The following MNS1 variants were observed in gnomAD, a reference collection of about 807,000 sequenced individuals.
MNS1 encodes the protein meiosis specific nuclear structural 1, also known as meiosis-specific nuclear structural protein 1.
In MNS1, 63 loss-of-function variants were observed where a neutral mutation model predicts 72.0. That is an observed-to-expected ratio of 0.87 (90% CI 0.71 to 1.08). The LOEUF (loss-of-function observed/expected upper bound fraction) is 1.08. MNS1 is among the 50% of genes least tolerant of loss of function. MNS1 has a pLI of 0.00. For synonymous variants in MNS1, 188 were observed against 172.1 expected, an observed-to-expected ratio of 1.09 and a Z score of -0.72; for missense variants, 604 against 562.4, an observed-to-expected ratio of 1.07 and a Z score of -0.75.
At chr15:56,435,532 T>C (rs2050707661) in intron 7 of MNS1, among the ~76,000 whole-genome samples, 1 of 151,928 alleles carries the variant, frequency 6.6e-6, no homozygotes, top group South Asian at 2.1e-4. Context: ...AATACAGGAA[T>C]ACTACAAATT....
intron 4 of MNS1, 27 bp downstream of exon 4, chr15:56,446,814 A>C: frequency 6.5e-7 from 1 of 1,527,882 alleles, no homozygotes. Flanking sequence ...ATGAAGCTAA[A>C]AACATAATGA....
At chr15:56,440,940 T>C (rs1183146955) in intron 7 of MNS1, among the ~76,000 whole-genome samples, 3 of 152,174 alleles carry the variant, frequency 2.0e-5, no homozygotes, top group African/African-American at 7.2e-5. Context: ...TGAATAATGC[T>C]GCATAAACAT....
At chr15:56,435,252 C>A (rs892206728) in intron 7 of MNS1, among the ~76,000 whole-genome samples, 1 of 151,706 alleles carries the variant, frequency 6.6e-6, no homozygotes, top group Non-Finnish European at 1.5e-5. Flanking sequence ...ATCTAAGCCC[C>A]CACTTCAAGA....
chr15:56,463,788 A>G (rs2051038683), intron 2 of MNS1: 4 of 461,564 alleles, frequency 8.7e-6, no homozygotes, highest in Non-Finnish European at 1.5e-5. Context: ...TCCAAAAAAA[A>G]AAAAAAGTAA....
intron 2 of MNS1, among the ~76,000 whole-genome samples, chr15:56,460,548 T>C (rs968242046): frequency 6.6e-6 from 1 of 152,184 alleles, no homozygotes; most frequent in Non-Finnish European, 1.5e-5. Context: ...TTTGATAACT[T>C]TTCCATGATT....
At chr15:56,429,323 A>C in intron 9 of MNS1, 130 bp from the exon 10 acceptor site, 1 of 610,956 alleles carries the variant, frequency 1.6e-6, no homozygotes, top group Non-Finnish European at 2.7e-6. Flanking sequence ...AGATTAATGA[A>C]ACTTTAAAAA....
rs772629037 is a variant in MNS1, at chr15:56,443,481, T to C, written c.960A>G (p.Arg320=). The C allele has an allele frequency of 6.2e-7, 1 of 1,600,138 alleles. No homozygotes were observed. The highest frequency in any genetic ancestry group is 8.5e-7 in the Non-Finnish European group (1 of 1,176,160). ...LRQREDLEQV[R]QELYQEEQAE... ...CTTGTTCTTCCTGGTATAATTCTTGTCGCACTTGTTCCAAATCTTCACGTT... is the reference window on the plus strand; with the variant it reads ...CTTGTTCTTCCTGGTATAATTCTTGCCGCACTTGTTCCAAATCTTCACGTT... The change falls in exon 7 of 10, where the codon CGA becomes CGG. Residue 320 remains arginine, a synonymous_variant. Coordinates refer to ENST00000260453, the MANE Select transcript of MNS1 (RefSeq NM_018365.4).
chr15:56,443,114 C>G (rs928901376), intron 7 of MNS1, among the ~76,000 whole-genome samples: 2 of 152,112 alleles, frequency 1.3e-5, no homozygotes, highest in Non-Finnish European at 2.9e-5. Flanking sequence ...GTAGCAACTC[C>G]AACCTACTTT....
At chr15:56,452,743 C>T (rs1486556816) in intron 3 of MNS1, among the ~76,000 whole-genome samples, 1 of 152,120 alleles carries the variant, frequency 6.6e-6, no homozygotes, top group Non-Finnish European at 1.5e-5. Flanking sequence ...TGGTCTCGAT[C>T]TCCTGACCCT....
In MNS1 at chr15:56,443,746, T is replaced by A; in HGVS notation, c.795A>T (p.Glu265Asp). The part of the protein sequence containing the change: ...WRKKKREEME[E>D]ENRKIIEFAN... Reference sequence around the variant, plus strand: ...CAAACTCTATGATTTTTCTGTTTTCTTCTTCCATCTCCTCACGTTTCTTTT... The same window carrying A: ...CAAACTCTATGATTTTTCTGTTTTCATCTTCCATCTCCTCACGTTTCTTTT... The change falls in exon 6 of 10, where the codon GAA becomes GAT. Residue 265 changes from glutamate (E) to aspartate (D), a missense_variant. Glu to Asp is a conservative substitution (Grantham distance 45, BLOSUM62 2). Transcript: ENST00000260453. The A allele has an allele frequency of 6.2e-7, 1 of 1,613,398 alleles. No homozygotes were observed.
rs1423350369 is a variant in MNS1, at chr15:56,446,912, T to G, written c.385A>C (p.Lys129Gln). Residue 129 changes from lysine (K) to glutamine (Q), a missense_variant, in exon 4 of 10, where the codon AAA becomes CAA. Physicochemically the swap from Lys to Gln is moderately conservative, Grantham distance 53. Transcript: ENST00000260453. ...CTTTCTTTATTCATGTAAGCTGCTT[T>G]TAATTTCTTCTCCAATTCTCTAAGC... is the stretch of plus-strand genomic sequence containing the variant. ...IELRELEKKL[K>Q]AAYMNKERAA... 1.9e-6 allele frequency: 3 copies of G among 1,609,608 alleles called. No individual in the cohort carries two copies. The African/African-American group carries it at 4.0e-5, about 21-fold the overall frequency.
intron 2 of MNS1, among the ~76,000 whole-genome samples, chr15:56,456,733 T>G (rs2050984029): frequency 6.6e-6 from 1 of 152,172 alleles, no homozygotes; most frequent in African/African-American, 2.4e-5. Context: ...GAAGAATATT[T>G]AAATACACTC....
At chr15:56,439,864 A>G (rs1235195895) in intron 7 of MNS1, among the ~76,000 whole-genome samples, 2 of 151,992 alleles carry the variant, frequency 1.3e-5, no homozygotes, top group African/African-American at 4.8e-5. Context: ...TTGACACAGA[A>G]AGCATGATCC....
At chr15:56,443,323 A>C in intron 7 of MNS1, 107 bp downstream of exon 7, 2 of 775,382 alleles carry the variant, frequency 2.6e-6, no homozygotes, top group Non-Finnish European at 3.8e-6. Context: ...TTTACATATA[A>C]TGTAATTACC....
Position 56,460,009 on chromosome 15 carries a change from A to AAAATATATATATAT in MNS1, c.226-3489_226-3488insATATATATATATTT. 2.3e-4 allele frequency among the ~76,000 whole-genome samples: 6 copies of AAAATATATATATAT among 26,384 alleles called. 1 individual carries two copies. The highest frequency in any genetic ancestry group is 9.0e-4 in the African/African-American group (6 of 6,650). The allele number at this position is 26,384 out of a possible 152,430, so 17.3% of individuals were successfully genotyped here. A position where few individuals can be genotyped will look rare whatever the true frequency, so the allele number is the denominator to read the frequency against. On this transcript the variant is annotated intron_variant, in intron 2 of 9. Transcript: ENST00000260453. Reference sequence around the variant, plus strand: ...CTGTCTCAAAAAAAAAAAAAAAAAAAATACATATATATATATATATATATA... The same window carrying AAAATATATATATAT: ...CTGTCTCAAAAAAAAAAAAAAAAAAAAAATATATATATATATACATATATATATATATATATATA...
chr15:56,463,760 C>T, intron 2 of MNS1: 1 of 350,278 alleles, frequency 2.9e-6, no homozygotes. Context: ...GCAACCTGGG[C>T]GACAGAGCAA....
At chr15:56,450,904 C>T (rs1371189922) in intron 3 of MNS1, among the ~76,000 whole-genome samples, 10 of 152,128 alleles carry the variant, frequency 6.6e-5, no homozygotes, top group African/African-American at 2.4e-4. Flanking sequence ...CTATTATTTT[C>T]CACTACTTTT....
intron 9 of MNS1, 76 bp downstream of exon 9, chr15:56,431,297 C>T (rs2050587989): frequency 6.5e-7 from 1 of 1,544,228 alleles, no homozygotes; most frequent in Non-Finnish European, 8.8e-7. Context: ...AACCAAGGCA[C>T]TCTAAAATCC....
intron 2 of MNS1, 106 bp from the exon 3 acceptor site, chr15:56,456,627 T>G: frequency 1.9e-6 from 2 of 1,053,556 alleles, no homozygotes; most frequent in Non-Finnish European, 2.8e-6. Context: ...AGGCCAACAA[T>G]TGATGATGTT....
Sources: allele counts gnomAD v4.1 joint callset (sites outside exome capture counted in the v4.1 genomes callset), GRCh38; gene constraint gnomAD v4.1.1; transcripts MANE v1.5; gene names NCBI Gene and HGNC (gene_info 2026-07-23, HGNC 2026-07-21).